The following SRPX variants were observed in gnomAD, a reference collection of about 807,000 sequenced individuals.
SRPX encodes sushi repeat containing protein X-linked.
In SRPX, 24 loss-of-function variants were observed where a neutral mutation model predicts 38.1. The observed-to-expected ratio is 0.63, with a 90% CI of 0.46 to 0.89. The LOEUF (loss-of-function observed/expected upper bound fraction) is 0.89. Among genes scored for constraint, SRPX ranks in the 40% least tolerant of loss-of-function variants. The probability of loss-of-function intolerance (pLI) is 0.00; values close to 1 mark genes in which losing one functional copy is unlikely to be tolerated. For synonymous variants in SRPX, 184 were observed against 153.8 expected (o/e 1.20, Z -1.45); for missense variants, 416 against 377.8 (o/e 1.10, Z -0.84).
chrX:38,217,432 A>G (rs1167282812), intron 1 of SRPX, among the ~76,000 whole-genome samples: 6 of 111,454 alleles, frequency 5.4e-5, no homozygotes, highest in African/African-American at 9.8e-5. Context: ...CAGGTACAGA[A>G]AGCAGCATCT....
chrX:38,163,270 G>A (rs1938300494), intron 5 of SRPX, among the ~76,000 whole-genome samples: 1 of 112,098 alleles, frequency 8.9e-6, no homozygotes, highest in Non-Finnish European at 1.9e-5. Context: ...GGAACAAAAT[G>A]TCCTGTCTCC....
chrX:38,201,107 C>A (rs1454096961), intron 1 of SRPX, among the ~76,000 whole-genome samples: 2 of 111,319 alleles, frequency 1.8e-5, no homozygotes, highest in Non-Finnish European at 3.8e-5. Context: ...GTGATTTTTT[C>A]TTCTCTCATC....
intron 9 of SRPX, 32 bp downstream of exon 9, chrX:38,154,430 G>C (rs751470998): frequency 9.3e-6 from 11 of 1,186,492 alleles, no homozygotes; most frequent in Non-Finnish European, 1.2e-5. Context: ...CATTCACAGG[G>C]GATAAGATTT....
chrX:38,187,956 A>G (rs1277108553), intron 1 of SRPX, among the ~76,000 whole-genome samples: 3 of 112,184 alleles, frequency 2.7e-5, no homozygotes, highest in Non-Finnish European at 5.6e-5. Context: ...GTAAAGGTGT[A>G]TATGTTTGAA....
intron 1 of SRPX, among the ~76,000 whole-genome samples, chrX:38,184,798 A>T (rs1454454156): frequency 8.9e-6 from 1 of 111,870 alleles, no homozygotes; most frequent in East Asian, 2.8e-4. Flanking sequence ...TATGTTTTTA[A>T]AAAGGATAAA....
At chrX:38,208,272 C>T (rs931195306) in intron 1 of SRPX, among the ~76,000 whole-genome samples, 1 of 111,784 alleles carries the variant, frequency 8.9e-6, no homozygotes, top group Non-Finnish European at 1.9e-5. Context: ...CAACCCAGAT[C>T]AAGATACAGA....
Position 38,149,581 on chromosome X carries a change from A to G in SRPX, c.*130T>C. 1 of 675,907 alleles carries G rather than the reference A, an allele frequency of 1.5e-6. No homozygotes were observed. Among genetic ancestry groups the G allele is most frequent in the Non-Finnish European group, 2.1e-6 (1 of 485,871 alleles). The allele number at this position is 675,907 out of a possible 1,213,427, so 55.7% of individuals were successfully genotyped here. The stretch of plus-strand genomic sequence containing the variant: ...GCATGCTAATTTTTAAGTGCAAAGA[A>G]AGCTCATAATAAAATAGACTTTTAA... On this transcript the variant is annotated 3_prime_UTR_variant, in exon 10 of 10. Transcript: ENST00000378533.
chrX:38,185,705 A>G (rs1022679682), intron 1 of SRPX, among the ~76,000 whole-genome samples: 8 of 110,628 alleles, frequency 7.2e-5, no homozygotes, highest in African/African-American at 2.3e-4. Context: ...GTGAATTCTA[A>G]GAAGATTCAC....
intron 9 of SRPX, among the ~76,000 whole-genome samples, chrX:38,151,421 G>C (rs763976346): frequency 8.9e-6 from 1 of 112,011 alleles, no homozygotes; most frequent in Middle Eastern, 4.6e-3. Flanking sequence ...GAGGAATAGG[G>C]AATGTGGTGG....
At chrX:38,161,860 G>A (rs766648150) in intron 5 of SRPX, among the ~76,000 whole-genome samples, 8 of 111,532 alleles carry the variant, frequency 7.2e-5, no homozygotes, top group Admixed American at 5.7e-4. Context: ...CAAAATCCAC[G>A]TTCTGTTTTT....
intron 5 of SRPX, among the ~76,000 whole-genome samples, chrX:38,162,924 T>A (rs1938292895): frequency 8.8e-6 from 1 of 113,087 alleles, no homozygotes; most frequent in African/African-American, 3.2e-5. Flanking sequence ...AATAGAGTCA[T>A]CTGATGGCTT....
At chrX:38,181,284 G>T (rs1034912134) in intron 1 of SRPX, among the ~76,000 whole-genome samples, 1 of 112,330 alleles carries the variant, frequency 8.9e-6, no homozygotes, top group African/African-American at 3.2e-5. Flanking sequence ...CCCAGCAGGG[G>T]AATCACAGAT....
chrX:38,154,667 C>T, intron 8 of SRPX, 84 bp from the exon 9 acceptor site: 1 of 1,102,653 alleles, frequency 9.1e-7, no homozygotes, highest in South Asian at 2.1e-5. Flanking sequence ...ACAGAAGCAG[C>T]ACTGGCCTGT....
intron 1 of SRPX, among the ~76,000 whole-genome samples, chrX:38,203,921 C>T (rs1266081167): frequency 1.8e-5 from 2 of 112,040 alleles, no homozygotes; most frequent in Non-Finnish European, 3.8e-5. Context: ...AGTCAAACCA[C>T]AAAAATCAAT....
intron 1 of SRPX, among the ~76,000 whole-genome samples, chrX:38,213,255 A>C (rs375512528): frequency 8.9e-6 from 1 of 112,256 alleles, no homozygotes; most frequent in East Asian, 2.8e-4. Context: ...TTTGGGGGGC[A>C]ATGAAAACAT....
At chrX:38,176,082 CAACT>C (rs1443987472) in intron 2 of SRPX, among the ~76,000 whole-genome samples, 1 of 111,258 alleles carries the variant, frequency 9.0e-6, no homozygotes, top group Non-Finnish European at 1.9e-5. Context: ...AGATTAACAA[CAACT>C]AATAATAATA....
chrX:38,161,281 C>CT (rs1938253450), intron 5 of SRPX, among the ~76,000 whole-genome samples: 1 of 110,747 alleles, frequency 9.0e-6, no homozygotes. Context: ...GAAGCTTAGA[C>CT]TTTTTTCTTG....
chrX:38,160,900 G>A, intron 6 of SRPX, 33 bp downstream of exon 6: 2 of 1,201,004 alleles, frequency 1.7e-6, no homozygotes, highest in Non-Finnish European at 2.2e-6. Context: ...TCTAAAGAGA[G>A]GGGGAAACAA....
intron 4 of SRPX, among the ~76,000 whole-genome samples, chrX:38,167,566 C>A (rs1184911864): frequency 8.9e-6 from 1 of 111,976 alleles, no homozygotes; most frequent in Non-Finnish European, 1.9e-5. Context: ...TAATTACTAT[C>A]CCCTGTTGAA....
Sources: allele counts gnomAD v4.1 joint callset (sites outside exome capture counted in the v4.1 genomes callset), GRCh38; gene constraint gnomAD v4.1.1; transcripts MANE v1.5; gene names NCBI Gene and HGNC (gene_info 2026-07-23, HGNC 2026-07-21).